Variants in EYA1 observed in about 807,000 individuals in gnomAD.
EYA1 encodes EYA transcriptional coactivator and phosphatase 1, also known as protein phosphatase EYA1.
EYA1 carries 16 observed loss-of-function variants against 82.0 expected under a neutral mutation model. The ratio of observed to expected loss-of-function variants is 0.20; its 90% CI spans 0.13 to 0.30. EYA1 has a LOEUF of 0.30. EYA1 is among the 10% of genes least tolerant of loss of function. The probability of loss-of-function intolerance (pLI) is 1.00; values close to 1 mark genes in which losing one functional copy is unlikely to be tolerated. For missense variants in EYA1, 633 were observed against 730.7 expected (o/e 0.87, Z 1.54); for synonymous variants, 261 against 264.4 (o/e 0.99, Z 0.12).
intron 2 of EYA1, among the ~76,000 whole-genome samples, chr8:71,410,736 A>G (rs1339241177): frequency 6.6e-6 from 1 of 150,734 alleles, no homozygotes; most frequent in Non-Finnish European, 1.5e-5. Context: ...AAGAGGATAG[A>G]AACAAATGGA....
chr8:71,545,465 C>T (rs1215740360), intron 1 of EYA1, among the ~76,000 whole-genome samples: 1 of 151,638 alleles, frequency 6.6e-6, no homozygotes, highest in African/African-American at 2.4e-5. Context: ...ATTATAACAC[C>T]TCTCTCTCTA....
intron 9 of EYA1, among the ~76,000 whole-genome samples, chr8:71,272,748 T>C (rs1267919992): frequency 6.6e-6 from 1 of 152,212 alleles, no homozygotes; most frequent in Non-Finnish European, 1.5e-5. Context: ...ATCCAATACA[T>C]ACATCAGAAT....
intron 2 of EYA1, among the ~76,000 whole-genome samples, chr8:71,380,382 C>T (rs138890738): frequency 6.1e-4 from 93 of 152,244 alleles, no homozygotes; most frequent in African/African-American, 2.2e-3. Flanking sequence ...ACTGAAATAG[C>T]ATCAATAGAA....
At position 71,356,572 on chromosome 8, in the gene EYA1, A is replaced by G. The variant is rs1291962524; in HGVS notation, c.-54-61T>C. ...TACTCTGCTTCAGTGTCAGCTCTTA[A>G]TTATACAGAGCACATGGCTGAGAAC... On this transcript the variant is annotated intron_variant, in intron 1 of 17. Transcript: ENST00000340726. The G allele has an allele frequency of 1.9e-6, 3 of 1,539,820 alleles. No individual in the cohort carries two copies. In the Admixed American group the frequency reaches 6.1e-5, roughly 31 times the overall value.
chr8:71,425,015 C>T (rs886668213), intron 2 of EYA1, among the ~76,000 whole-genome samples: 1 of 145,688 alleles, frequency 6.9e-6, no homozygotes, highest in African/African-American at 2.6e-5. Flanking sequence ...AATCCCAGCA[C>T]TTTGGGAGGC....
At chr8:71,351,680 C>T (rs1405301930) in intron 3 of EYA1, among the ~76,000 whole-genome samples, 1 of 152,174 alleles carries the variant, frequency 6.6e-6, no homozygotes, top group African/African-American at 2.4e-5. Flanking sequence ...AGGCACTAGC[C>T]TGTGAGTACA....
intron 17 of EYA1, among the ~76,000 whole-genome samples, chr8:71,209,822 A>T (rs534312443): frequency 6.6e-6 from 1 of 152,348 alleles, no homozygotes; most frequent in African/African-American, 2.4e-5. Flanking sequence ...CTTCAATTCA[A>T]GAAACATTTA....
At chr8:71,267,037 A>G (rs1815917126) in intron 11 of EYA1, among the ~76,000 whole-genome samples, 1 of 152,180 alleles carries the variant, frequency 6.6e-6, no homozygotes, top group Admixed American at 6.5e-5. Context: ...TCACTGCTAC[A>G]ACCTCCAATT....
At chr8:71,368,353 C>T (rs1372597759) in intron 2 of EYA1, among the ~76,000 whole-genome samples, 1 of 152,046 alleles carries the variant, frequency 6.6e-6, no homozygotes, top group Non-Finnish European at 1.5e-5. Flanking sequence ...ATCCGCAAAG[C>T]CCCCATTAGC....
At chr8:71,283,728 C>T (rs1411491050) in intron 9 of EYA1, among the ~76,000 whole-genome samples, 3 of 152,138 alleles carry the variant, frequency 2.0e-5, no homozygotes, top group South Asian at 2.1e-4. Context: ...ACTTGGTTCA[C>T]TATCCCATCC....
intron 2 of EYA1, among the ~76,000 whole-genome samples, chr8:71,438,637 G>T (rs777891783): frequency 6.6e-6 from 1 of 152,130 alleles, no homozygotes; most frequent in Non-Finnish European, 1.5e-5. Flanking sequence ...TTACAATGAT[G>T]CCTGAAATGT....
intron 7 of EYA1, among the ~76,000 whole-genome samples, chr8:71,311,240 CA>C (rs1321246342): frequency 3.3e-4 from 51 of 152,276 alleles, no homozygotes; most frequent in African/African-American, 1.2e-3. Context: ...GGTTTGATTT[CA>C]AGTTAGTTGT....
At chr8:71,464,486 C>T (rs951893571) in intron 2 of EYA1, among the ~76,000 whole-genome samples, 2 of 152,216 alleles carry the variant, frequency 1.3e-5, no homozygotes, top group African/African-American at 4.8e-5. Flanking sequence ...GTAAAGGGCA[C>T]TACTGAGCCA....
rs192917294 is a variant in EYA1, at chr8:71,310,245, A to G, written c.556+7307T>C. On this transcript the variant is annotated intron_variant, in intron 7 of 17. Coordinates refer to ENST00000340726, the MANE Select transcript of EYA1 (RefSeq NM_000503.6). ...ATACGATGACAATAAATTAGCTGAA[A>G]TGTCTTATTTATGTTTTATATATAT... Among the ~76,000 whole-genome samples, 3 of 152,286 alleles carry G rather than the reference A, an allele frequency of 2.0e-5. No individual in the cohort carries two copies. In the East Asian group the frequency reaches 5.8e-4, roughly 29 times the overall value.
intron 2 of EYA1, among the ~76,000 whole-genome samples, chr8:71,521,541 C>T (rs1287227590): frequency 1.3e-5 from 2 of 152,112 alleles, no homozygotes; most frequent in Non-Finnish European, 2.9e-5. Context: ...ACAGAAATTT[C>T]TAAAAGTATA....
chr8:71,362,178 T>TTC, upstream of EYA1: 1 of 978,852 alleles, frequency 1.0e-6, no homozygotes. Context: ...TTTTTTTTTT[T>TTC]TTGGTTTTTG....
chr8:71,250,062 G>A (rs1465640805), intron 11 of EYA1, among the ~76,000 whole-genome samples: 1 of 144,966 alleles, frequency 6.9e-6, no homozygotes, highest in Non-Finnish European at 1.5e-5. Flanking sequence ...CCTTAGCCTT[G>A]TGTCTTTTGT....
At chr8:71,448,135 C>G (rs1807050218) in intron 2 of EYA1, among the ~76,000 whole-genome samples, 1 of 151,744 alleles carries the variant, frequency 6.6e-6, no homozygotes, top group Non-Finnish European at 1.5e-5. Flanking sequence ...GCAGCTGGTA[C>G]TACAGGCACA....
intron 1 of EYA1, chr8:71,535,911 T>C: frequency 2.1e-6 from 1 of 469,508 alleles, no homozygotes; most frequent in Non-Finnish European, 3.7e-6. Flanking sequence ...AGAGCTGGCC[T>C]TCACATCTGC....
Sources: allele counts gnomAD v4.1 joint callset (sites outside exome capture counted in the v4.1 genomes callset), GRCh38; gene constraint gnomAD v4.1.1; transcripts MANE v1.5; gene names NCBI Gene and HGNC (gene_info 2026-07-23, HGNC 2026-07-21).